Variants in RHOU observed in about 807,000 individuals in gnomAD.
RHOU encodes ras homolog family member U, also known as rho-related GTP-binding protein RhoU.
In RHOU, 8 loss-of-function variants were observed where a neutral mutation model predicts 12.6. The observed-to-expected ratio is 0.64, with a 90% CI of 0.37 to 1.15. RHOU has a LOEUF of 1.15. RHOU is among the 50% of genes most tolerant of loss of function. RHOU has a pLI of 0.01. For synonymous variants in RHOU, 161 were observed against 147.4 expected (o/e 1.09, Z -0.67); for missense variants, 258 against 347.0 (o/e 0.74, Z 2.04).
At chr1:228,714,542 G>GC in the RHOU span, among the ~76,000 whole-genome samples, 1 of 151,816 alleles carries the variant, frequency 6.6e-6, no homozygotes, top group Non-Finnish European at 1.5e-5. Flanking sequence ...GTCAATTTTG[G>GC]CTAACTGTAT....
chr1:228,708,751 T>C, the RHOU span, among the ~76,000 whole-genome samples: 1 of 151,432 alleles, frequency 6.6e-6, no homozygotes, highest in Admixed American at 6.6e-5. Context: ...CTGCATCAAC[T>C]AACAAGCAAA....
chr1:228,695,246 A>C, the RHOU span, among the ~76,000 whole-genome samples: 1 of 152,202 alleles, frequency 6.6e-6, no homozygotes, highest in Admixed American at 6.5e-5. Context: ...CTGGGATTAC[A>C]GATGTGAGTC....
the RHOU span, among the ~76,000 whole-genome samples, chr1:228,675,486 C>A: frequency 6.6e-6 from 1 of 152,128 alleles, no homozygotes; most frequent in Non-Finnish European, 1.5e-5. Flanking sequence ...ATTTGTCTTT[C>A]CCATAGTGAC....
the RHOU span, among the ~76,000 whole-genome samples, chr1:228,655,578 G>A: frequency 6.6e-6 from 1 of 152,198 alleles, no homozygotes; most frequent in African/African-American, 2.4e-5. Context: ...TAGCCTGAGA[G>A]CCACTCCCTC....
At chr1:228,672,950 G>A in the RHOU span, among the ~76,000 whole-genome samples, 3 of 152,176 alleles carry the variant, frequency 2.0e-5, no homozygotes, top group Admixed American at 6.5e-5. Flanking sequence ...TAATTGGGAT[G>A]AACTGCCACA....
the RHOU span, among the ~76,000 whole-genome samples, chr1:228,694,486 C>A: frequency 6.6e-6 from 1 of 152,142 alleles, no homozygotes; most frequent in Non-Finnish European, 1.5e-5. Context: ...CCTCCCCTCC[C>A]CTCAATAGGC....
chr1:228,655,168 G>A, the RHOU span, among the ~76,000 whole-genome samples: 75 of 150,708 alleles, frequency 5.0e-4, no homozygotes, highest in African/African-American at 1.6e-3. Flanking sequence ...GCAGTGGCGC[G>A]ATCTTGGCTC....
At chr1:228,706,057 A>G in the RHOU span, among the ~76,000 whole-genome samples, 5 of 152,142 alleles carry the variant, frequency 3.3e-5, no homozygotes, top group Non-Finnish European at 7.3e-5. Context: ...AAAAACAAAA[A>G]AAAAGAAATT....
At chr1:228,712,833 AAAATAAAATAAAATAAAATAAAAT>A in the RHOU span, among the ~76,000 whole-genome samples, 2 of 70,898 alleles carry the variant, frequency 2.8e-5, no homozygotes, top group African/African-American at 1.5e-4. Context: ...ATAAATAAAT[AAAATAAAATAAAATAAAATAAAAT>A]AAAATAAAAT....
chr1:228,717,724 T>C, the RHOU span, among the ~76,000 whole-genome samples: 1 of 152,250 alleles, frequency 6.6e-6, no homozygotes, highest in African/African-American at 2.4e-5. Context: ...AGATATTTTA[T>C]TGGTGGCCAG....
the RHOU span, among the ~76,000 whole-genome samples, chr1:228,692,392 C>T: frequency 6.6e-6 from 1 of 151,950 alleles, no homozygotes; most frequent in African/African-American, 2.4e-5. Flanking sequence ...TCTTATTTGC[C>T]ACCATGCCCT....
the RHOU span, among the ~76,000 whole-genome samples, chr1:228,661,242 T>A: frequency 6.6e-6 from 1 of 152,150 alleles, no homozygotes. Flanking sequence ...ATCAATATCA[T>A]GAAAATGGCC....
At chr1:228,697,629 A>G in the RHOU span, among the ~76,000 whole-genome samples, 3 of 152,182 alleles carry the variant, frequency 2.0e-5, no homozygotes, top group Non-Finnish European at 4.4e-5. Context: ...CCCCTTCTCT[A>G]AGATGCTGAG....
At chr1:228,706,857 T>A in the RHOU span, among the ~76,000 whole-genome samples, 4 of 151,892 alleles carry the variant, frequency 2.6e-5, no homozygotes, top group Non-Finnish European at 5.9e-5. Context: ...CTATCAAGAA[T>A]TTTACTGGTA....
chr1:228,685,876 C>T, the RHOU span, among the ~76,000 whole-genome samples: 1 of 152,090 alleles, frequency 6.6e-6, no homozygotes, highest in African/African-American at 2.4e-5. Flanking sequence ...TAGTGCAACC[C>T]TTAATTATCC....
chr1:228,693,495 C>T, the RHOU span, among the ~76,000 whole-genome samples: 2 of 152,138 alleles, frequency 1.3e-5, no homozygotes, highest in East Asian at 3.8e-4. Flanking sequence ...GACACAGAGT[C>T]TCCCGCTATT....
intron 2 of RHOU, among the ~76,000 whole-genome samples, chr1:228,739,199 TATA>T (rs895901838): frequency 8.5e-5 from 13 of 152,216 alleles, no homozygotes; most frequent in African/African-American, 3.1e-4. Flanking sequence ...TGGTGATATT[TATA>T]ATTCAAGCTT....
At chr1:228,687,927 C>T in the RHOU span, 1 of 717,642 alleles carries the variant, frequency 1.4e-6, no homozygotes, top group South Asian at 1.5e-5. Flanking sequence ...CTCCTCTGCT[C>T]CATCTCCCTC....
At chr1:228,725,594 G>C in the RHOU span, among the ~76,000 whole-genome samples, 1 of 152,212 alleles carries the variant, frequency 6.6e-6, no homozygotes, top group African/African-American at 2.4e-5. Context: ...ACCGTGGGCA[G>C]AACGATGGCA....
Sources: gnomAD v4.1 joint callset for allele counts (sites outside exome capture counted in the v4.1 genomes callset) on GRCh38, gnomAD v4.1.1 for gene constraint, MANE v1.5 for transcripts, NCBI Gene and HGNC (gene_info 2026-07-23, HGNC 2026-07-21) for gene names.